TNKS: variants seen among roughly 807,000 people sequenced by gnomAD.
The protein encoded by TNKS is tankyrase.
TNKS carries 72 observed loss-of-function variants against 135.8 expected under a neutral mutation model. The ratio of observed to expected loss-of-function variants is 0.53; its 90% CI spans 0.44 to 0.64. The LOEUF (loss-of-function observed/expected upper bound fraction) is 0.64, where lower values mean the gene tolerates loss of function less well. TNKS is among the 30% of genes least tolerant of loss of function. The pLI is 0.00. For synonymous variants in TNKS, 849 were observed against 649.3 expected (o/e 1.31, Z -4.68); for missense variants, 1,769 against 1,674.0 (o/e 1.06, Z -0.99).
intron 5 of TNKS, among the ~76,000 whole-genome samples, chr8:9,693,006 A>G (rs1803349598): frequency 1.3e-5 from 2 of 152,350 alleles, no homozygotes; most frequent in Middle Eastern, 3.4e-3. Context: ...TTCTTAGCAG[A>G]TTAATCATGT....
chr8:9,571,666 C>T (rs569605916), intron 1 of TNKS, among the ~76,000 whole-genome samples: 1 of 152,234 alleles, frequency 6.6e-6, no homozygotes, highest in African/African-American at 2.4e-5. Context: ...ACCGTGTTAG[C>T]TGGGATGTTC....
chr8:9,645,067 T>G (rs954602480), intron 3 of TNKS, among the ~76,000 whole-genome samples: 1 of 152,234 alleles, frequency 6.6e-6, no homozygotes, highest in East Asian at 1.9e-4. Context: ...TTAAACCAGA[T>G]GGGACTGGTT....
In TNKS at chr8:9,707,081, C is replaced by G. The variant is rs879813825; in HGVS notation, c.1456+84C>G. 2.3e-5 allele frequency: 27 copies of G among 1,179,128 alleles called. 1 individual carries two copies. The highest frequency in any genetic ancestry group is 1.3e-4 in the Admixed American group (4 of 31,248). 73.0% of individuals were successfully genotyped at this position (1,179,128 alleles called of 1,614,324 possible). ...AGTTTTATCTACCTTAAATAATAAC[C>G]TTCCATTCTTACAAGCAGACTAATT... On this transcript the variant is annotated intron_variant, in intron 8 of 26. Coordinates refer to ENST00000310430, the MANE Select transcript of TNKS (RefSeq NM_003747.3).
chr8:9,754,574 G>T (rs1244422987), intron 20 of TNKS, among the ~76,000 whole-genome samples: 2 of 151,846 alleles, frequency 1.3e-5, no homozygotes, highest in African/African-American at 4.8e-5. Context: ...GATAAGAACA[G>T]CCGAGTAGGG....
At chr8:9,676,443 A>G (rs1802539342) in intron 3 of TNKS, among the ~76,000 whole-genome samples, 1 of 152,106 alleles carries the variant, frequency 6.6e-6, no homozygotes, top group Non-Finnish European at 1.5e-5. Flanking sequence ...TCATCCTGTC[A>G]GTTTCTGAAG....
chr8:9,678,303 A>C (rs371144035), intron 3 of TNKS, among the ~76,000 whole-genome samples: 1 of 152,188 alleles, frequency 6.6e-6, no homozygotes, highest in Non-Finnish European at 1.5e-5. Context: ...TTGACTCTCT[A>C]ACTTCCATAT....
At chr8:9,585,077 A>T (rs1257866946) in intron 2 of TNKS, among the ~76,000 whole-genome samples, 3 of 152,116 alleles carry the variant, frequency 2.0e-5, no homozygotes, top group African/African-American at 7.2e-5. Context: ...AAAAAAAAAT[A>T]TCTCCCAGAG....
Position 9,777,442 on chromosome 8 carries a change from A to C in TNKS, c.*706A>C, listed in dbSNP as rs1808279830. 2.0e-5 allele frequency: 3 copies of C among 152,294 alleles called. No homozygotes were observed. Among genetic ancestry groups the C allele is most frequent in the Non-Finnish European group, 2.9e-5 (2 of 68,102 alleles). 9.4% of individuals were successfully genotyped at this position (152,294 alleles called of 1,614,324 possible). ...TTTTTATGAATTGGCCTATCTTACAAGAGAAGGGCACAAACACCAACCTGA... is the reference window on the plus strand; with the variant it reads ...TTTTTATGAATTGGCCTATCTTACACGAGAAGGGCACAAACACCAACCTGA... On this transcript the variant is annotated 3_prime_UTR_variant, in exon 27 of 27. Coordinates refer to ENST00000310430, the MANE Select transcript of TNKS (RefSeq NM_003747.3).
intron 3 of TNKS, among the ~76,000 whole-genome samples, chr8:9,646,971 GA>G (rs1259030563): frequency 1.3e-5 from 2 of 152,142 alleles, no homozygotes. Flanking sequence ...CTTAGTAGAT[GA>G]TGGCAGAGAG....
chr8:9,723,776 AC>A (rs1805021729), intron 12 of TNKS, among the ~76,000 whole-genome samples: 1 of 152,212 alleles, frequency 6.6e-6, no homozygotes, highest in African/African-American at 2.4e-5. Flanking sequence ...GCATAATAGC[AC>A]AAATAACACT....
chr8:9,713,073 A>G (rs954901669), intron 11 of TNKS, among the ~76,000 whole-genome samples: 1 of 152,174 alleles, frequency 6.6e-6, no homozygotes, highest in Non-Finnish European at 1.5e-5. Context: ...TGTGTGATTT[A>G]AAAATTTGGA....
chr8:9,776,378 T>G (rs980570259), intron 26 of TNKS, among the ~76,000 whole-genome samples: 2 of 152,220 alleles, frequency 1.3e-5, no homozygotes, highest in African/African-American at 4.8e-5. Context: ...GTTTCCCTGC[T>G]TATGACACAT....
intron 2 of TNKS, among the ~76,000 whole-genome samples, chr8:9,597,536 A>T (rs1320512230): frequency 2.0e-5 from 3 of 152,200 alleles, no homozygotes; most frequent in African/African-American, 7.2e-5. Context: ...TGTAATTTAG[A>T]TTCTTTTAAC....
chr8:9,775,457 TTCTATA>T (rs61576682), intron 26 of TNKS, among the ~76,000 whole-genome samples: 5 of 65,830 alleles, frequency 7.6e-5, no homozygotes, highest in Non-Finnish European at 1.2e-4. Context: ...TTATGAATGG[TTCTATA>T]TATATATATA....
chr8:9,612,361 C>G (rs910166954), intron 2 of TNKS, among the ~76,000 whole-genome samples: 4 of 152,038 alleles, frequency 2.6e-5, no homozygotes, highest in South Asian at 4.1e-4. Flanking sequence ...TTCTGGGAAT[C>G]GAATTTTATA....
chr8:9,587,560 G>C (rs963913525), intron 2 of TNKS, among the ~76,000 whole-genome samples: 1 of 151,940 alleles, frequency 6.6e-6, no homozygotes, highest in Non-Finnish European at 1.5e-5. Context: ...CACCACGCCC[G>C]GGTAATTTTG....
chr8:9,771,603 AAGGGAGGAAGAGAGGAAGGAAAG>A (rs1365363922), intron 26 of TNKS, among the ~76,000 whole-genome samples: 1 of 113,074 alleles, frequency 8.8e-6, no homozygotes, highest in Non-Finnish European at 1.8e-5. Context: ...GGAAAGAAAG[AAGGGAGGAAGAGAGGAAGGAAAG>A]AGGGAGGGAA....
chr8:9,581,662 C>T (rs980516004), intron 2 of TNKS, among the ~76,000 whole-genome samples: 1 of 152,194 alleles, frequency 6.6e-6, no homozygotes, highest in Non-Finnish European at 1.5e-5. Flanking sequence ...TTGTCACAGC[C>T]ACTGGATTTT....
intron 2 of TNKS, among the ~76,000 whole-genome samples, chr8:9,588,821 C>A (rs75939950): frequency 0.081 from 12,387 of 152,140 alleles, 563 homozygotes; most frequent in South Asian, 0.16. Context: ...TAATGAGCTG[C>A]TTGGCCTATG....
Sources: gnomAD v4.1 joint callset for allele counts (sites outside exome capture counted in the v4.1 genomes callset) on GRCh38, gnomAD v4.1.1 for gene constraint, MANE v1.5 for transcripts, NCBI Gene and HGNC (gene_info 2026-07-23, HGNC 2026-07-21) for gene names.